MRS2: variants seen among roughly 807,000 people sequenced by gnomAD.
MRS2 encodes the protein magnesium transporter MRS2.
A neutral mutation model predicts 52.6 loss-of-function variants in MRS2; 40 were observed. The observed-to-expected ratio is 0.76, with a 90% CI of 0.59 to 0.99. MRS2 has a LOEUF of 0.99. MRS2 is among the 50% of genes least tolerant of loss of function. The pLI, the probability that MRS2 is intolerant of heterozygous loss-of-function variation, is 0.00. For synonymous variants in MRS2, 193 were observed against 195.9 expected, an observed-to-expected ratio of 0.98 and a Z score of 0.13; for missense variants, 472 against 532.7, an observed-to-expected ratio of 0.89 and a Z score of 1.12.
At chr6:24,414,934 A>G in intron 5 of MRS2, 99 bp from the exon 6 acceptor site, 1 of 1,066,142 alleles carries the variant, frequency 9.4e-7, no homozygotes, top group Non-Finnish European at 1.3e-6. Context: ...CAGCATTTCA[A>G]GCTACTACAG....
chr6:24,405,286 C>G (rs752619244), intron 2 of MRS2, 45 bp downstream of exon 2: 1 of 1,397,030 alleles, frequency 7.2e-7, no homozygotes, highest in Non-Finnish European at 1.0e-6. Flanking sequence ...AAGTGCTTCC[C>G]ATACATAAGT....
At position 24,412,266 on chromosome 6, in the gene MRS2, T is replaced by C. The variant is rs1432992749; in HGVS notation, c.459T>C (p.Asp153=). 1.2e-6 allele frequency: 2 copies of C among 1,601,924 alleles called. No homozygotes were observed. Among genetic ancestry groups the C allele is most frequent in the East Asian group, 2.2e-5 (1 of 44,516 alleles). ...VITPECLLIL[D]YRNLNLEQWL... is the part of the protein sequence containing the mutation. ...CTCCAGAGTGTCTTCTGATATTAGA[T>C]TATCGTAATTTAAACTTAGAGCAAT... The change falls in exon 5 of 11, where the codon GAT becomes GAC. Residue 153 remains aspartate (D), a synonymous_variant. Transcript: ENST00000378386.
At chr6:24,413,498 T>C (rs1761736569) in intron 5 of MRS2, among the ~76,000 whole-genome samples, 1 of 152,046 alleles carries the variant, frequency 6.6e-6, no homozygotes, top group Non-Finnish European at 1.5e-5. Context: ...ATACCATGAG[T>C]AGATATGCCT....
At position 24,412,404 on chromosome 6, in the gene MRS2, G is replaced by C; in HGVS notation, c.588+9G>C. On this transcript the variant is annotated intron_variant, in intron 5 of 10. Transcript: ENST00000378386. Reference sequence around the variant, plus strand: ...CACTCCTGCAATATTGGGTAAGTCTGTTTTTATTTAGCTTCTTGGGTTTAT... The same window carrying C: ...CACTCCTGCAATATTGGGTAAGTCTCTTTTTATTTAGCTTCTTGGGTTTAT... 2.0e-6 allele frequency: 3 copies of C among 1,516,486 alleles called. No homozygotes were observed. Among genetic ancestry groups the C allele is most frequent in the Non-Finnish European group, 2.7e-6 (3 of 1,131,892 alleles). The allele number at this position is 1,516,486 out of a possible 1,614,324, so 93.9% of individuals were successfully genotyped here.
chr6:24,419,891 A>G (rs1002067752), intron 9 of MRS2, among the ~76,000 whole-genome samples: 8 of 152,150 alleles, frequency 5.3e-5, no homozygotes, highest in African/African-American at 1.7e-4. Context: ...GCTTATTGTA[A>G]GTTTTCTAGA....
In MRS2 at chr6:24,425,970, T is replaced by C. The variant is rs1446838215; in HGVS notation, c.*2276T>C. 1 of 152,214 alleles carries C rather than the reference T, an allele frequency of 6.6e-6. No individual in the cohort carries two copies. Among genetic ancestry groups the C allele is most frequent in the East Asian group, 1.9e-4 (1 of 5,202 alleles). The allele number at this position is 152,214 out of a possible 1,614,324, so 9.4% of individuals were successfully genotyped here. On this transcript the variant is annotated 3_prime_UTR_variant, in exon 11 of 11. Transcript: ENST00000378386. ...AGTAATACCTACAGAGGTGAGCTAA[T>C]GGATGGTACATGGAGTAGGGACTGC...
chr6:24,418,007 A>G (rs1761910369), intron 7 of MRS2, 77 bp from the exon 8 acceptor site: 2 of 1,216,912 alleles, frequency 1.6e-6, no homozygotes, highest in East Asian at 2.4e-5. Flanking sequence ...GCTATATACT[A>G]ATTTAGGAAG....
At chr6:24,416,278 TCA>T in intron 6 of MRS2, 117 bp from the exon 7 acceptor site, 1 of 486,560 alleles carries the variant, frequency 2.1e-6, no homozygotes, top group Non-Finnish European at 3.7e-6. Context: ...TTTAAATAAG[TCA>T]TTGTTTAGCA....
rs753382333 is a variant in MRS2 at position 24,403,001 on chromosome 6, A to G, written c.-46A>G. The G allele has an allele frequency of 4.0e-6, 6 of 1,507,352 alleles. No individual in the cohort carries two copies. The East Asian group carries it at 7.1e-5, about 18-fold the overall frequency. 93.4% of individuals were successfully genotyped at this position (1,507,352 alleles called of 1,614,324 possible). A position where few individuals can be genotyped will look rare whatever the true frequency, so the allele number is the denominator to read the frequency against. ...GCGGCCTGAGCAGCCAGCGTCCGGC[A>G]TGAAGGTCTGGGGTCTGGCTGCTGC... On this transcript the variant is annotated 5_prime_UTR_variant, in exon 1 of 11. An upstream start codon of the reference 5' UTR is lost. Coordinates refer to ENST00000378386, the MANE Select transcript of MRS2 (RefSeq NM_020662.4).
intron 7 of MRS2, among the ~76,000 whole-genome samples, chr6:24,417,531 C>T (rs1561812548): frequency 6.6e-6 from 1 of 152,178 alleles, no homozygotes; most frequent in South Asian, 2.1e-4. Flanking sequence ...TGGATTGGGG[C>T]CATGTAATAC....
rs771269466 is a variant in MRS2, at chr6:24,423,056, A to G, written c.1221+6A>G. On this transcript the variant is annotated splice_donor_region_variant and intron_variant, in intron 10 of 10. Coordinates refer to ENST00000378386, the MANE Select transcript of MRS2 (RefSeq NM_020662.4). ...AAGCTCCATTGCCTCCTATGGTATG[A>G]AGGATATGGTTCACGGCGGTATTGT... is the stretch of plus-strand genomic sequence containing the variant. 8.7e-6 allele frequency: 14 copies of G among 1,608,202 alleles called. No homozygotes were observed. The highest frequency in any genetic ancestry group is 1.2e-5 in the Non-Finnish European group (14 of 1,174,804).
At chr6:24,417,866 T>C (rs1252838571) in intron 7 of MRS2, among the ~76,000 whole-genome samples, 1 of 150,812 alleles carries the variant, frequency 6.6e-6, no homozygotes, top group East Asian at 1.9e-4. Context: ...AGCTTGAACC[T>C]GGGAGGCAGA....
intron 5 of MRS2, among the ~76,000 whole-genome samples, chr6:24,414,457 A>G (rs1277344): frequency 0.87 from 110,681 of 126,512 alleles, 47,468 homozygotes; most frequent in Middle Eastern, 0.92. Flanking sequence ...CAGAGAGCAC[A>G]GGGTTGGGGG....
Position 24,423,698 on chromosome 6 carries a change from C to T in MRS2, c.*4C>T, listed in dbSNP as rs1762133673. 2 of 1,526,234 alleles carry T rather than the reference C, an allele frequency of 1.3e-6. No individual in the cohort carries two copies. Among genetic ancestry groups the T allele is most frequent in the Non-Finnish European group, 1.8e-6 (2 of 1,106,136 alleles). 94.5% of individuals were successfully genotyped at this position (1,526,234 alleles called of 1,614,324 possible). On this transcript the variant is annotated 3_prime_UTR_variant, in exon 11 of 11. Coordinates refer to ENST00000378386, the MANE Select transcript of MRS2 (RefSeq NM_020662.4). ...GAGCATCCTAACAAACCGTTAGGAA[C>T]AGCCCCGTGGATACTGAAGTTTTTT...
chr6:24,409,886 T>G (rs149180426), intron 4 of MRS2, among the ~76,000 whole-genome samples: 2 of 152,236 alleles, frequency 1.3e-5, no homozygotes, highest in African/African-American at 4.8e-5. Context: ...ATAATAGATA[T>G]ATATCCAATT....
At chr6:24,408,257 T>C (rs913932179) in intron 2 of MRS2, 151 bp from the exon 3 acceptor site, 10 of 572,634 alleles carry the variant, frequency 1.7e-5, no homozygotes, top group Non-Finnish European at 3.2e-5. Context: ...CTGGATTTAA[T>C]CTAAAGAAGG....
At position 24,424,341 on chromosome 6, in the gene MRS2, C is replaced by A. The variant is rs1762157347; in HGVS notation, c.*647C>A. The A allele has an allele frequency of 6.6e-6, 1 of 151,332 alleles. No individual in the cohort carries two copies. Among genetic ancestry groups the A allele is most frequent in the Non-Finnish European group, 1.5e-5 (1 of 68,020 alleles). The allele number at this position is 151,332 out of a possible 1,614,324, so 9.4% of individuals were successfully genotyped here. On this transcript the variant is annotated 3_prime_UTR_variant, in exon 11 of 11. Transcript: ENST00000378386. ...TTTTCTTTGCTCTCTGTAATTAGAG[C>A]CTTTGGAAGCAAAGTTGAAAGGAAG...
intron 9 of MRS2, among the ~76,000 whole-genome samples, chr6:24,421,288 G>A (rs1762033548): frequency 6.6e-6 from 1 of 152,174 alleles, no homozygotes. Flanking sequence ...CAGCCCATTT[G>A]TAATGAGATA....
At chr6:24,413,167 TG>T (rs1451648826) in intron 5 of MRS2, among the ~76,000 whole-genome samples, 1 of 151,708 alleles carries the variant, frequency 6.6e-6, no homozygotes, top group Non-Finnish European at 1.5e-5. Flanking sequence ...ATGTAAACAG[TG>T]GTAAGTCATG....
Sources: gnomAD v4.1 joint callset for allele counts (sites outside exome capture counted in the v4.1 genomes callset) on GRCh38, gnomAD v4.1.1 for gene constraint, MANE v1.5 for transcripts, NCBI Gene and HGNC (gene_info 2026-07-23, HGNC 2026-07-21) for gene names.